The following NBAS variants were observed in gnomAD, a reference collection of about 807,000 sequenced individuals.
The protein encoded by NBAS is NBAS subunit of NRZ tethering complex.
A neutral mutation model predicts 302.5 loss-of-function variants in NBAS; 219 were observed. The ratio of observed to expected loss-of-function variants is 0.72; its 90% CI spans 0.65 to 0.81. The LOEUF is 0.81. Ranked by LOEUF, NBAS falls within the 30% of genes least tolerant of loss-of-function variation. The pLI is 0.00. For synonymous variants in NBAS, 1,118 were observed against 1,021.6 expected (o/e 1.09, Z -1.80); for missense variants, 2,932 against 2,841.6 (o/e 1.03, Z -0.72).
chr2:14,850,266 A>G, the NBAS span, among the ~76,000 whole-genome samples: 5 of 127,966 alleles, frequency 3.9e-5, no homozygotes, highest in Non-Finnish European at 6.1e-5. Context: ...AAAAAAAGGC[A>G]GGGGTTGCAA....
At chr2:15,053,796 G>C in the NBAS span, among the ~76,000 whole-genome samples, 1 of 152,128 alleles carries the variant, frequency 6.6e-6, no homozygotes, top group African/African-American at 2.4e-5. Flanking sequence ...GTTATCTAAA[G>C]AAGCCTAGGG....
chr2:14,845,112 G>A, the NBAS span, among the ~76,000 whole-genome samples: 453 of 152,314 alleles, frequency 3.0e-3, 3 homozygotes, highest in African/African-American at 0.011. Context: ...CCAGTGCTCT[G>A]CTGGCTTTAG....
chr2:15,052,580 T>C, the NBAS span, among the ~76,000 whole-genome samples: 1 of 152,316 alleles, frequency 6.6e-6, no homozygotes, highest in East Asian at 1.9e-4. Flanking sequence ...CTCTGCAGCA[T>C]ACAACAAGAA....
rs762893791 is a variant in NBAS at position 15,218,422 on chromosome 2, T to C, written c.6432+351A>G. Among the ~76,000 whole-genome samples the C allele has an allele frequency of 2.0e-5, 3 of 152,182 alleles. No homozygotes were observed. In the South Asian group the frequency reaches 6.2e-4, roughly 32 times the overall value. On this transcript the variant is annotated intron_variant, in intron 48 of 51. Transcript: ENST00000281513. ...GAAATCAAGAACTGACCTCCAACTA[T>C]TGTTTTTTTCTTTTTCTTTTGAGAT... is the stretch of plus-strand genomic sequence containing the variant.
chr2:15,238,365 T>C, intron 45 of NBAS, 103 bp downstream of exon 45: 2 of 1,164,972 alleles, frequency 1.7e-6, no homozygotes, highest in Non-Finnish European at 2.5e-6. Flanking sequence ...CAAGGATATC[T>C]GCAAGCCTGA....
intron 46 of NBAS, among the ~76,000 whole-genome samples, chr2:15,232,858 GT>G (rs11342755): frequency 0.28 from 40,435 of 145,060 alleles, 5,259 homozygotes; most frequent in Middle Eastern, 0.38. Context: ...TCCAGTTGAA[GT>G]TTTTTTTTTT....
At chr2:15,428,299 A>C (rs1677580316) in intron 21 of NBAS, among the ~76,000 whole-genome samples, 1 of 152,250 alleles carries the variant, frequency 6.6e-6, no homozygotes, top group Non-Finnish European at 1.5e-5. Context: ...TTTTAATTTA[A>C]TTTTAATTAA....
chr2:15,216,155 T>C (rs1020215786), intron 48 of NBAS, among the ~76,000 whole-genome samples: 1 of 152,234 alleles, frequency 6.6e-6, no homozygotes, highest in Non-Finnish European at 1.5e-5. Flanking sequence ...CTCACTGATT[T>C]ACTTCTTGGA....
chr2:15,082,476 T>C, the NBAS span, among the ~76,000 whole-genome samples: 1 of 152,052 alleles, frequency 6.6e-6, no homozygotes, highest in East Asian at 1.9e-4. Context: ...AGCTGGAAGG[T>C]CACTTTCACT....
intron 38 of NBAS, among the ~76,000 whole-genome samples, chr2:15,323,285 C>T (rs574501826): frequency 6.6e-6 from 1 of 152,268 alleles, no homozygotes; most frequent in South Asian, 2.1e-4. Flanking sequence ...ATTCATTGTG[C>T]ACCCACCACA....
intron 41 of NBAS, among the ~76,000 whole-genome samples, chr2:15,287,635 T>A (rs1670107770): frequency 6.8e-6 from 1 of 146,512 alleles, no homozygotes; most frequent in South Asian, 2.2e-4. Context: ...CATGTGGGCA[T>A]CCCCCTGTAG....
chr2:14,822,496 A>G, the NBAS span, among the ~76,000 whole-genome samples: 1 of 152,130 alleles, frequency 6.6e-6, no homozygotes, highest in Non-Finnish European at 1.5e-5. Context: ...ATAAGACAAC[A>G]TTTGGCCTAT....
the NBAS span, among the ~76,000 whole-genome samples, chr2:14,851,677 C>T: frequency 9.9e-6 from 1 of 101,150 alleles, no homozygotes; most frequent in Non-Finnish European, 1.8e-5. Flanking sequence ...TGCAAAAATC[C>T]TCAATAAAAT....
At chr2:14,992,142 G>A in the NBAS span, among the ~76,000 whole-genome samples, 1 of 152,146 alleles carries the variant, frequency 6.6e-6, no homozygotes, top group African/African-American at 2.4e-5. Context: ...CCAGATTGGT[G>A]ACATAATATG....
At chr2:14,902,288 T>C in the NBAS span, among the ~76,000 whole-genome samples, 2 of 152,154 alleles carry the variant, frequency 1.3e-5, no homozygotes, top group Non-Finnish European at 2.9e-5. Context: ...TGCGCCACCA[T>C]ACTCAGCTAA....
intron 48 of NBAS, among the ~76,000 whole-genome samples, chr2:15,202,291 C>T (rs900102081): frequency 6.6e-6 from 1 of 152,156 alleles, no homozygotes; most frequent in Non-Finnish European, 1.5e-5. Flanking sequence ...AGAAATTACA[C>T]AATAAAACAT....
At chr2:15,529,704 A>G (rs1008765178) in intron 9 of NBAS, among the ~76,000 whole-genome samples, 1 of 152,122 alleles carries the variant, frequency 6.6e-6, no homozygotes, top group Non-Finnish European at 1.5e-5. Flanking sequence ...CACAACAAAG[A>G]ACTGAGCATG....
chr2:15,191,322 C>T (rs946288431), intron 48 of NBAS, among the ~76,000 whole-genome samples: 22 of 152,174 alleles, frequency 1.4e-4, no homozygotes, highest in Non-Finnish European at 2.9e-5. Context: ...AATGGTCATT[C>T]TGGCTCTGAT....
chr2:15,050,378 G>T, the NBAS span, among the ~76,000 whole-genome samples: 1 of 151,144 alleles, frequency 6.6e-6, no homozygotes, highest in Non-Finnish European at 1.5e-5. Flanking sequence ...AACCCTTGTG[G>T]CTTCAAAGTT....
Sources: gnomAD v4.1 joint callset for allele counts (sites outside exome capture counted in the v4.1 genomes callset) on GRCh38, gnomAD v4.1.1 for gene constraint, MANE v1.5 for transcripts, NCBI Gene and HGNC (gene_info 2026-07-23, HGNC 2026-07-21) for gene names.